Variants in JMY observed in about 807,000 individuals in gnomAD.
JMY encodes the protein junction mediating and regulatory protein, p53 cofactor.
JMY carries 46 observed loss-of-function variants against 103.3 expected under a neutral mutation model. The ratio of observed to expected loss-of-function variants is 0.45; its 90% CI spans 0.35 to 0.57. JMY has a LOEUF of 0.57. JMY is among the 20% of genes least tolerant of loss of function. JMY has a pLI of 0.00. For synonymous variants in JMY, 526 were observed against 489.3 expected (o/e 1.07, Z -0.99); for missense variants, 1,238 against 1,255.2 (o/e 0.99, Z 0.21).
intron 7 of JMY, among the ~76,000 whole-genome samples, chr5:79,308,790 AAC>A (rs1746962541): frequency 6.6e-6 from 1 of 152,080 alleles, no homozygotes; most frequent in Admixed American, 6.6e-5. Context: ...CTAACATCTT[AAC>A]ATTGAATATT....
intron 1 of JMY, among the ~76,000 whole-genome samples, chr5:79,256,559 A>G (rs193017097): frequency 1.0e-3 from 157 of 152,234 alleles, no homozygotes; most frequent in Admixed American, 2.8e-3. Context: ...GCTCTGTCCT[A>G]TTCCCCTTAG....
chr5:79,246,958 G>T (rs980995118), intron 1 of JMY, among the ~76,000 whole-genome samples: 2 of 151,978 alleles, frequency 1.3e-5, no homozygotes, highest in African/African-American at 4.8e-5. Context: ...TCTAAACTTT[G>T]ATTAATATTT....
chr5:79,289,234 CAAAA>C (rs535416062), intron 2 of JMY, among the ~76,000 whole-genome samples: 765 of 55,432 alleles, frequency 0.014, 3 homozygotes, highest in African/African-American at 0.039. Flanking sequence ...GACGCCGTCT[CAAAA>C]AAAAAAAAAA....
Position 79,316,328 on chromosome 5 carries a change from C to A in JMY, c.*3+18C>A. ...ACTAACAAGTAAACGGCCTTATTGT[C>A]TTTAGTAGCATTCAGTAATACAGGT... On this transcript the variant is annotated intron_variant, in intron 10 of 10. Coordinates refer to ENST00000396137, the MANE Select transcript of JMY (RefSeq NM_152405.5). 6.4e-7 allele frequency: 1 copy of A among 1,563,804 alleles called. No homozygotes were observed. Among genetic ancestry groups the A allele is most frequent in the Non-Finnish European group, 8.7e-7 (1 of 1,149,030 alleles).
intron 1 of JMY, among the ~76,000 whole-genome samples, chr5:79,269,108 A>G (rs996312541): frequency 6.6e-6 from 1 of 152,150 alleles, no homozygotes; most frequent in African/African-American, 2.4e-5. Flanking sequence ...GTTATCTTCT[A>G]GAAGTTTTAT....
chr5:79,324,633 A>ACAG lies in JMY; in HGVS notation c.*3035_*3037dup, dbSNP rs1747573168. ...ATTATTTAAAATCATTGTGTATATT[A>ACAG]CAGCAGTATGAGGAATGCCTGGCTA... is the stretch of plus-strand genomic sequence containing the variant. On this transcript the variant is annotated 3_prime_UTR_variant, in exon 11 of 11. Coordinates refer to ENST00000396137, the MANE Select transcript of JMY (RefSeq NM_152405.5). The ACAG allele has an allele frequency of 6.6e-6, 1 of 152,198 alleles. No homozygotes were observed. Among genetic ancestry groups the ACAG allele is most frequent in the South Asian group, 2.1e-4 (1 of 4,832 alleles). The allele number at this position is 152,198 out of a possible 1,614,324, so 9.4% of individuals were successfully genotyped here.
chr5:79,274,887 G>A (rs1036655876), intron 1 of JMY, among the ~76,000 whole-genome samples: 2 of 152,278 alleles, frequency 1.3e-5, no homozygotes, highest in Admixed American at 1.3e-4. Context: ...GGATTCAGAT[G>A]TCAAACTCTA....
chr5:79,243,064 G>A (rs539396366), intron 1 of JMY, among the ~76,000 whole-genome samples: 145 of 152,308 alleles, frequency 9.5e-4, no homozygotes, highest in Non-Finnish European at 1.2e-3. Context: ...ATAGGTTTAT[G>A]TTAGAGAAGA....
intron 1 of JMY, among the ~76,000 whole-genome samples, chr5:79,270,699 A>T (rs12521257): frequency 7.7e-6 from 1 of 129,944 alleles, no homozygotes; most frequent in Non-Finnish European, 1.7e-5. Context: ...ATATATTTAT[A>T]TATTATATAT....
chr5:79,298,038 G>A (rs1040103197), intron 4 of JMY, among the ~76,000 whole-genome samples: 2 of 152,194 alleles, frequency 1.3e-5, no homozygotes, highest in African/African-American at 4.8e-5. Context: ...GTAAAGGCAT[G>A]TCACTGGGGG....
chr5:79,246,419 A>C (rs1470206671), intron 1 of JMY, among the ~76,000 whole-genome samples: 1 of 152,184 alleles, frequency 6.6e-6, no homozygotes, highest in Non-Finnish European at 1.5e-5. Flanking sequence ...CTTTGTGTAC[A>C]TTATCTCAGT....
chr5:79,260,947 C>T (rs1745402902), intron 1 of JMY, among the ~76,000 whole-genome samples: 2 of 152,036 alleles, frequency 1.3e-5, no homozygotes, highest in Non-Finnish European at 2.9e-5. Flanking sequence ...GGGTAGGTTC[C>T]TTCCATCCAA....
chr5:79,300,458 G>A (rs1226505296), intron 5 of JMY, 140 bp downstream of exon 5: 2 of 842,446 alleles, frequency 2.4e-6, no homozygotes, highest in East Asian at 5.8e-5. Flanking sequence ...GTGATTTCTA[G>A]CATTTATTGA....
chr5:79,316,312 T>C lies in JMY; in HGVS notation c.*3+2T>C, dbSNP rs1386183151. 6.3e-7 allele frequency: 1 copy of C among 1,596,774 alleles called. No individual in the cohort carries two copies. The highest frequency in any genetic ancestry group is 1.1e-5 in the South Asian group (1 of 88,642). ...TGCACAGACTGGGAGAACTAACAAG[T>C]AAACGGCCTTATTGTCTTTAGTAGC... On this transcript the variant is annotated splice_donor_variant, in intron 10 of 10. Transcript: ENST00000396137. LOFTEE classifies it low-confidence loss of function (3UTR_SPLICE).
chr5:79,286,780 G>T (rs1045702746), intron 2 of JMY, among the ~76,000 whole-genome samples: 2 of 152,122 alleles, frequency 1.3e-5, no homozygotes, highest in Non-Finnish European at 1.5e-5. Context: ...TTCCATAGTT[G>T]TATCTGTTGA....
intron 4 of JMY, among the ~76,000 whole-genome samples, chr5:79,294,447 C>T (rs962565472): frequency 2.0e-5 from 3 of 152,110 alleles, no homozygotes; most frequent in African/African-American, 7.2e-5. Flanking sequence ...GAAATAAAGC[C>T]ATCATGAAGC....
Position 79,306,461 on chromosome 5 carries a change from A to G in JMY, c.1968A>G (p.Leu656=), listed in dbSNP as rs750072302. The G allele has an allele frequency of 3.7e-6, 6 of 1,601,612 alleles. No individual in the cohort carries two copies. Among genetic ancestry groups the G allele is most frequent in the Admixed American group, 1.7e-5 (1 of 59,244 alleles). The change falls in exon 7 of 11, where the codon CTA becomes CTG. Residue 656 remains leucine (L), a splice_region_variant and synonymous_variant. Coordinates refer to ENST00000396137, the MANE Select transcript of JMY (RefSeq NM_152405.5). ...ATAGAACCCATCACACAGTACAACTAGTAAGTTTGGATTCGAAGATTTTGA... is the reference window on the plus strand; with the variant it reads ...ATAGAACCCATCACACAGTACAACTGGTAAGTTTGGATTCGAAGATTTTGA... ...DEYRTHHTVQ[L]KREKLHDEEE...
intron 9 of JMY, among the ~76,000 whole-genome samples, chr5:79,315,379 A>C (rs1747186254): frequency 6.6e-6 from 1 of 152,148 alleles, no homozygotes; most frequent in African/African-American, 2.4e-5. Context: ...TTTTTTGTTA[A>C]GAGAGATTCA....
At chr5:79,267,327 G>A (rs1745613456) in intron 1 of JMY, among the ~76,000 whole-genome samples, 1 of 152,126 alleles carries the variant, frequency 6.6e-6, no homozygotes, top group African/African-American at 2.4e-5. Flanking sequence ...ATACAAAATA[G>A]TTTAACTGCT....
Sources: allele counts gnomAD v4.1 joint callset (sites outside exome capture counted in the v4.1 genomes callset), GRCh38; gene constraint gnomAD v4.1.1; transcripts MANE v1.5; gene names NCBI Gene and HGNC (gene_info 2026-07-23, HGNC 2026-07-21).